The following EXOC6B variants were observed in gnomAD, a reference collection of about 807,000 sequenced individuals.
The protein encoded by EXOC6B is SEC15 homolog B.
Under a neutral mutation model 113.5 loss-of-function variants are expected in EXOC6B, and 54 were observed. The ratio of observed to expected loss-of-function variants is 0.48; its 90% CI spans 0.38 to 0.60. The LOEUF (loss-of-function observed/expected upper bound fraction) is 0.60, where lower values mean the gene tolerates loss of function less well. EXOC6B is among the 20% of genes least tolerant of loss of function. EXOC6B has a pLI of 0.00. For synonymous variants in EXOC6B, 357 were observed against 339.0 expected, an observed-to-expected ratio of 1.05 and a Z score of -0.58; for missense variants, 797 against 977.5, an observed-to-expected ratio of 0.82 and a Z score of 2.46.
rs570409279 is a variant in EXOC6B at position 72,461,130 on chromosome 2, T to A, written c.1980+4030A>T. Among the ~76,000 whole-genome samples, 11 of 147,548 alleles carry A rather than the reference T, an allele frequency of 7.5e-5. No homozygotes were observed. In the South Asian group the frequency reaches 2.4e-3, roughly 32 times the overall value. Reference sequence around the variant, plus strand: ...AGGACAAAGAACCAAACACCGCATGTTCTCATTCATAGGTGGGAATTGAAC... The same window carrying A: ...AGGACAAAGAACCAAACACCGCATGATCTCATTCATAGGTGGGAATTGAAC... On this transcript the variant is annotated intron_variant, in intron 18 of 21. Transcript: ENST00000272427.
At chr2:72,486,302 G>C (rs1388040352) in intron 16 of EXOC6B, among the ~76,000 whole-genome samples, 1 of 151,836 alleles carries the variant, frequency 6.6e-6, no homozygotes, top group African/African-American at 2.4e-5. Flanking sequence ...CTGGGATGTG[G>C]AGGTTGCACT....
chr2:72,353,637 G>T (rs1689797552), intron 19 of EXOC6B, among the ~76,000 whole-genome samples: 1 of 151,926 alleles, frequency 6.6e-6, no homozygotes, highest in Non-Finnish European at 1.5e-5. Context: ...CCCTCCCAGA[G>T]TGCTAAGATT....
intron 6 of EXOC6B, among the ~76,000 whole-genome samples, chr2:72,664,789 G>A (rs552124920): frequency 7.9e-5 from 12 of 152,304 alleles, no homozygotes; most frequent in South Asian, 6.2e-4. Flanking sequence ...TGTGCACAGC[G>A]TAGCCTCTAT....
chr2:72,798,178 A>G (rs1685075037), intron 1 of EXOC6B, among the ~76,000 whole-genome samples: 1 of 152,222 alleles, frequency 6.6e-6, no homozygotes, highest in South Asian at 2.1e-4. Context: ...ACACCTACAA[A>G]GACAAAAAGT....
At chr2:72,444,791 A>G (rs2105342511) in intron 18 of EXOC6B, among the ~76,000 whole-genome samples, 1 of 152,208 alleles carries the variant, frequency 6.6e-6, no homozygotes, top group Non-Finnish European at 1.5e-5. Context: ...CAGCACAGGG[A>G]CCTTGGGCCC....
chr2:72,418,189 G>A (rs1363186938), intron 18 of EXOC6B, among the ~76,000 whole-genome samples: 7 of 152,146 alleles, frequency 4.6e-5, no homozygotes, highest in Non-Finnish European at 1.0e-4. Flanking sequence ...TTTAAAAGAT[G>A]TAATTCAGTT....
At chr2:72,372,704 G>T (rs1691111550) in intron 19 of EXOC6B, among the ~76,000 whole-genome samples, 3 of 151,880 alleles carry the variant, frequency 2.0e-5, no homozygotes, top group African/African-American at 7.3e-5. Flanking sequence ...AGATAGGCGG[G>T]TATGGTGGCA....
intron 11 of EXOC6B, among the ~76,000 whole-genome samples, chr2:72,501,910 G>A (rs1429679003): frequency 6.6e-6 from 1 of 151,778 alleles, no homozygotes; most frequent in Non-Finnish European, 1.5e-5. Context: ...ATAGGCACAA[G>A]CCACCACACC....
intron 3 of EXOC6B, among the ~76,000 whole-genome samples, chr2:72,732,801 G>A (rs1680722752): frequency 6.6e-6 from 1 of 152,074 alleles, no homozygotes; most frequent in South Asian, 2.1e-4. Flanking sequence ...TGAATATTGA[G>A]GAAATAACAT....
chr2:72,270,032 T>C lies in EXOC6B; in HGVS notation c.2196+64915A>G, dbSNP rs190377726. Among the ~76,000 whole-genome samples, 498 of 152,172 alleles carry C rather than the reference T, an allele frequency of 3.3e-3. 3 individuals carry two copies. The highest frequency in any genetic ancestry group is 0.011 in the African/African-American group (472 of 41,524). On this transcript the variant is annotated intron_variant, in intron 20 of 21. Transcript: ENST00000272427. ...AGGTGGTAAACAGGGACAGAAAGCC[T>C]CCCAGATGTGCCCCAACCCCTCATA...
At chr2:72,226,743 C>T (rs1356670960) in intron 20 of EXOC6B, among the ~76,000 whole-genome samples, 1 of 152,214 alleles carries the variant, frequency 6.6e-6, no homozygotes. Flanking sequence ...ATTCTGGCAG[C>T]ACTTATGAAG....
intron 6 of EXOC6B, among the ~76,000 whole-genome samples, chr2:72,576,085 C>A (rs1355084478): frequency 6.6e-6 from 1 of 151,972 alleles, no homozygotes; most frequent in Admixed American, 6.6e-5. Context: ...CACATTGAGA[C>A]CATAATGCTT....
chr2:72,444,288 G>C (rs1158248946), intron 18 of EXOC6B, among the ~76,000 whole-genome samples: 2 of 152,246 alleles, frequency 1.3e-5, no homozygotes, highest in African/African-American at 4.8e-5. Context: ...ATCTTAGGCA[G>C]CTCTGCCCCT....
At chr2:72,467,616 T>C (rs1024051225) in intron 17 of EXOC6B, among the ~76,000 whole-genome samples, 8 of 152,210 alleles carry the variant, frequency 5.3e-5, no homozygotes, top group East Asian at 1.9e-4. Flanking sequence ...TCTTGGTCAC[T>C]TGTATGTCTT....
At chr2:72,734,481 A>G (rs1680830543) in intron 2 of EXOC6B, among the ~76,000 whole-genome samples, 1 of 152,230 alleles carries the variant, frequency 6.6e-6, no homozygotes, top group Non-Finnish European at 1.5e-5. Context: ...CTGTTTCCAT[A>G]AAGGGCTAGA....
intron 18 of EXOC6B, among the ~76,000 whole-genome samples, chr2:72,453,194 C>G (rs1697011186): frequency 6.6e-6 from 1 of 151,988 alleles, no homozygotes; most frequent in Admixed American, 6.6e-5. Flanking sequence ...TAAATTTAAT[C>G]TGTAAAAAGA....
At chr2:72,230,483 T>A (rs6546751) in intron 20 of EXOC6B, among the ~76,000 whole-genome samples, 28,472 of 152,148 alleles carry the variant, frequency 0.19, 4,032 homozygotes, top group African/African-American at 0.4. Flanking sequence ...ATTTCACCTC[T>A]ATTCTACAGT....
intron 17 of EXOC6B, among the ~76,000 whole-genome samples, chr2:72,477,360 C>T (rs1235241163): frequency 6.6e-6 from 1 of 152,102 alleles, no homozygotes; most frequent in Non-Finnish European, 1.5e-5. Context: ...CTATCTTTGA[C>T]TCCTGTCTTT....
At position 72,826,017 on chromosome 2, in the gene EXOC6B, G is replaced by A. The variant is rs558321602; in HGVS notation, c.-107C>T. 2 of 1,487,028 alleles carry A rather than the reference G, an allele frequency of 1.3e-6. No individual in the cohort carries two copies. The highest frequency in any genetic ancestry group is 1.3e-5 in the South Asian group (1 of 76,444). 92.1% of individuals were successfully genotyped at this position (1,487,028 alleles called of 1,614,324 possible). On this transcript the variant is annotated 5_prime_UTR_variant, in exon 1 of 22. Transcript: ENST00000272427. ...GGCTCCACAGCCGCCCCAGCCTCTG[G>A]CTACCCGCAGGCCGACCCCTCCCTC... is the stretch of plus-strand genomic sequence containing the variant.
Sources: allele counts gnomAD v4.1 joint callset (sites outside exome capture counted in the v4.1 genomes callset), GRCh38; gene constraint gnomAD v4.1.1; transcripts MANE v1.5; gene names NCBI Gene and HGNC (gene_info 2026-07-23, HGNC 2026-07-21).